DCC: variants seen among roughly 807,000 people sequenced by gnomAD.
DCC encodes the protein netrin receptor DCC.
Under a neutral mutation model 172.5 loss-of-function variants are expected in DCC, and 58 were observed. That is an observed-to-expected ratio of 0.34 (90% confidence interval 0.27 to 0.42). The LOEUF (loss-of-function observed/expected upper bound fraction) is 0.42. DCC is among the 10% of genes least tolerant of loss of function. DCC has a pLI of 1.00. For synonymous variants in DCC, 709 were observed against 644.5 expected, an observed-to-expected ratio of 1.10 and a Z score of -1.52; for missense variants, 1,740 against 1,791.0, an observed-to-expected ratio of 0.97 and a Z score of 0.51.
At chr18:53,517,678 A>G (rs769469458) in intron 27 of DCC, among the ~76,000 whole-genome samples, 8 of 151,966 alleles carry the variant, frequency 5.3e-5, no homozygotes, top group Non-Finnish European at 1.0e-4. Flanking sequence ...GGAGCAGGGC[A>G]CCTCATCAGC....
At chr18:52,769,068 G>A (rs1182817405) in intron 2 of DCC, among the ~76,000 whole-genome samples, 2 of 152,136 alleles carry the variant, frequency 1.3e-5, no homozygotes, top group African/African-American at 4.8e-5. Context: ...GTTATTTCAG[G>A]AGAATCCTAG....
At chr18:53,005,431 C>A (rs191678170) in intron 5 of DCC, among the ~76,000 whole-genome samples, 99 of 152,210 alleles carry the variant, frequency 6.5e-4, no homozygotes, top group African/African-American at 2.3e-3. Context: ...GTTTGAAATG[C>A]CTACTTATAA....
intron 8 of DCC, among the ~76,000 whole-genome samples, chr18:53,177,673 A>G (rs1242600129): frequency 6.6e-6 from 1 of 152,194 alleles, no homozygotes; most frequent in African/African-American, 2.4e-5. Context: ...ATGGTGAATT[A>G]CCCATGTGCA....
At chr18:52,731,700 C>G (rs528376615) in intron 1 of DCC, among the ~76,000 whole-genome samples, 7 of 152,234 alleles carry the variant, frequency 4.6e-5, no homozygotes, top group African/African-American at 1.7e-4. Context: ...AAAAAACCCA[C>G]CCACAGATCT....
chr18:53,262,711 G>T (rs1000206364), intron 12 of DCC, among the ~76,000 whole-genome samples: 1 of 152,076 alleles, frequency 6.6e-6, no homozygotes, highest in Non-Finnish European at 1.5e-5. Flanking sequence ...TTTCATCAGA[G>T]GTTATTTAGT....
chr18:52,905,992 T>C, intron 2 of DCC, 52 bp from the exon 3 acceptor site: 2 of 1,153,824 alleles, frequency 1.7e-6, no homozygotes, highest in Middle Eastern at 2.0e-4. Context: ...TTATTGGCGA[T>C]TATTGTGCTT....
intron 2 of DCC, among the ~76,000 whole-genome samples, chr18:52,900,593 T>C (rs185620705): frequency 5.9e-5 from 9 of 152,362 alleles, no homozygotes; most frequent in Admixed American, 4.6e-4. Context: ...TTATCATTTC[T>C]AAGAAGATTA....
chr18:52,934,387 A>AC (rs2040352368), intron 5 of DCC, among the ~76,000 whole-genome samples: 1 of 152,084 alleles, frequency 6.6e-6, no homozygotes, highest in African/African-American at 2.4e-5. Context: ...GTGCTTCTAC[A>AC]CCTTGCTGTT....
intron 7 of DCC, among the ~76,000 whole-genome samples, chr18:53,135,496 C>G (rs2043727439): frequency 6.6e-6 from 1 of 152,096 alleles, no homozygotes; most frequent in Non-Finnish European, 1.5e-5. Flanking sequence ...ATATAATTGT[C>G]TAGGATTGCA....
At chr18:52,490,496 A>G (rs943718129) in intron 1 of DCC, among the ~76,000 whole-genome samples, 2 of 152,088 alleles carry the variant, frequency 1.3e-5, no homozygotes, top group Non-Finnish European at 2.9e-5. Context: ...AACTGAGACT[A>G]AGACAAATAA....
intron 2 of DCC, among the ~76,000 whole-genome samples, chr18:52,787,169 G>T (rs772575593): frequency 1.3e-5 from 2 of 152,090 alleles, no homozygotes; most frequent in Non-Finnish European, 2.9e-5. Context: ...CAAAAAGGTT[G>T]CTTTAACTTT....
intron 5 of DCC, among the ~76,000 whole-genome samples, chr18:52,939,588 C>T (rs1018352199): frequency 1.2e-4 from 19 of 152,164 alleles, no homozygotes; most frequent in African/African-American, 4.1e-4. Context: ...ATTTATTGGG[C>T]ACCCATTATG....
intron 24 of DCC, among the ~76,000 whole-genome samples, chr18:53,463,523 T>G (rs1359750354): frequency 6.6e-6 from 1 of 152,200 alleles, no homozygotes; most frequent in Non-Finnish European, 1.5e-5. Context: ...ATGGGGTTCC[T>G]GAGTAGGCAA....
chr18:52,525,527 G>A (rs2031956148), intron 1 of DCC, among the ~76,000 whole-genome samples: 2 of 152,228 alleles, frequency 1.3e-5, no homozygotes, highest in Admixed American at 6.5e-5. Context: ...CTTTTGAACT[G>A]CAATGGTTGG....
chr18:53,089,058 C>A (rs2042963497), intron 7 of DCC, among the ~76,000 whole-genome samples: 1 of 152,092 alleles, frequency 6.6e-6, no homozygotes, highest in Admixed American at 6.5e-5. Context: ...TAAATCAATG[C>A]AATGATTGTA....
At position 53,305,710 on chromosome 18, in the gene DCC, C is replaced by T; in HGVS notation, c.2044C>T (p.Leu682=). The T allele has an allele frequency of 1.2e-6, 2 of 1,613,952 alleles. No individual in the cohort carries two copies. The highest frequency in any genetic ancestry group is 1.7e-6 in the Non-Finnish European group (2 of 1,179,870). ...ETLEPNNLWY[L]FTGLEKGSQY... ...ACTGGAGCCAAACAACCTCTGGTAC[C>T]TATTCACAGGTCAGTGTTCACATGG... Residue 682 remains leucine, a synonymous_variant, in exon 13 of 29, where the codon CTA becomes TTA. Coordinates refer to ENST00000442544, the MANE Select transcript of DCC (RefSeq NM_005215.4).
At chr18:53,390,804 T>A (rs569557343) in intron 16 of DCC, among the ~76,000 whole-genome samples, 1 of 152,324 alleles carries the variant, frequency 6.6e-6, no homozygotes, top group Non-Finnish European at 1.5e-5. Flanking sequence ...GCAAATCTCA[T>A]AAGTCTGTAG....
chr18:52,530,082 A>G, intron 1 of DCC, among the ~76,000 whole-genome samples: 1 of 152,362 alleles, frequency 6.6e-6, no homozygotes, highest in Middle Eastern at 3.4e-3. Flanking sequence ...GATGTATAGT[A>G]TATATGACAT....
chr18:52,952,609 G>T (rs1024480608), intron 5 of DCC, among the ~76,000 whole-genome samples: 7 of 152,120 alleles, frequency 4.6e-5, no homozygotes, highest in Admixed American at 3.9e-4. Flanking sequence ...TGTCTGTATA[G>T]CTTTGGCTTT....
Sources: allele counts gnomAD v4.1 joint callset (sites outside exome capture counted in the v4.1 genomes callset), GRCh38; gene constraint gnomAD v4.1.1; transcripts MANE v1.5; gene names NCBI Gene and HGNC (gene_info 2026-07-23, HGNC 2026-07-21).